Variants in CLNK observed in about 807,000 individuals in gnomAD.
CLNK encodes cytokine dependent hematopoietic cell linker.
CLNK carries 74 observed loss-of-function variants against 68.6 expected under a neutral mutation model. The ratio of observed to expected loss-of-function variants is 1.08; its 90% confidence interval spans 0.89 to 1.31. CLNK has a LOEUF of 1.31. Among genes scored for constraint, CLNK ranks in the 50% most tolerant of loss-of-function variants. The probability of loss-of-function intolerance (pLI) is 0.00; values close to 1 mark genes in which losing one functional copy is unlikely to be tolerated. For synonymous variants in CLNK, 198 were observed against 172.2 expected, an observed-to-expected ratio of 1.15 and a Z score of -1.17; for missense variants, 553 against 515.3, an observed-to-expected ratio of 1.07 and a Z score of -0.71.
chr4:10,681,847 T>C (rs933672151), intron 1 of CLNK, among the ~76,000 whole-genome samples: 3 of 152,134 alleles, frequency 2.0e-5, no homozygotes, highest in African/African-American at 4.8e-5. Context: ...TTGCATGAAA[T>C]GGACAATGCA....
At chr4:10,675,071 G>A (rs1440999891) in intron 1 of CLNK, among the ~76,000 whole-genome samples, 1 of 152,158 alleles carries the variant, frequency 6.6e-6, no homozygotes, top group Non-Finnish European at 1.5e-5. Context: ...TTGGATGGAT[G>A]CAGCAAACCA....
chr4:10,642,662 A>G (rs1393007293), intron 2 of CLNK, among the ~76,000 whole-genome samples: 1 of 152,160 alleles, frequency 6.6e-6, no homozygotes, highest in African/African-American at 2.4e-5. Flanking sequence ...CTATATGCCA[A>G]AAAAGGGGGA....
intron 2 of CLNK, among the ~76,000 whole-genome samples, chr4:10,616,649 T>C (rs1722236657): frequency 6.6e-6 from 1 of 152,102 alleles, no homozygotes; most frequent in African/African-American, 2.4e-5. Context: ...AATGAAATCA[T>C]TCTATGAGAA....
intron 18 of CLNK, among the ~76,000 whole-genome samples, chr4:10,500,967 A>T (rs936357808): frequency 6.6e-6 from 1 of 152,202 alleles, no homozygotes; most frequent in Non-Finnish European, 1.5e-5. Flanking sequence ...GCATTAGTGT[A>T]TGCTCCGCTG....
intron 2 of CLNK, among the ~76,000 whole-genome samples, chr4:10,620,646 C>T (rs1483861870): frequency 6.6e-6 from 1 of 152,148 alleles, no homozygotes; most frequent in Non-Finnish European, 1.5e-5. Flanking sequence ...CCCAGTTCTG[C>T]CTTCTTTAGC....
intron 2 of CLNK, among the ~76,000 whole-genome samples, chr4:10,651,780 T>G (rs1723747955): frequency 6.6e-6 from 1 of 152,060 alleles, no homozygotes; most frequent in Admixed American, 6.6e-5. Context: ...AGAATTCAAG[T>G]GTTGAAAGTT....
At chr4:10,687,305 G>A (rs1359591590), upstream of CLNK, among the ~76,000 whole-genome samples, 1 of 152,034 alleles carries the variant, frequency 6.6e-6, no homozygotes, top group East Asian at 1.9e-4. Flanking sequence ...TGTATTCAGA[G>A]ACAGGAACAA....
intron 2 of CLNK, among the ~76,000 whole-genome samples, chr4:10,643,989 T>C (rs1723415953): frequency 6.6e-6 from 1 of 152,214 alleles, no homozygotes. Context: ...AATCAAAGTG[T>C]TCTGCATAAT....
At chr4:10,500,803 G>T (rs1387120113) in intron 18 of CLNK, among the ~76,000 whole-genome samples, 1 of 152,178 alleles carries the variant, frequency 6.6e-6, no homozygotes, top group East Asian at 1.9e-4. Context: ...TCCATCAGCA[G>T]ATCTGTACTG....
rs538438250 is a variant in CLNK, at chr4:10,635,434, G to A, written c.11+32425C>T. On this transcript the variant is annotated intron_variant, in intron 2 of 18. Transcript: ENST00000226951. ...TGGCCAGAATTTAGCTGTACAGTAC[G>A]TGCTCTGGCCAAGAGAGAGGAGGCC... is the stretch of plus-strand genomic sequence containing the variant. Among the ~76,000 whole-genome samples the A allele has an allele frequency of 5.3e-5, 8 of 152,132 alleles. No individual in the cohort carries two copies. In the South Asian group the frequency reaches 1.0e-3, roughly 20 times the overall value.
chr4:10,551,766 G>A (rs1330265110), intron 8 of CLNK, among the ~76,000 whole-genome samples: 1 of 151,998 alleles, frequency 6.6e-6, no homozygotes, highest in African/African-American at 2.4e-5. Flanking sequence ...AAATATTATT[G>A]GTTGAATTAT....
chr4:10,605,056 C>A (rs964852557), intron 2 of CLNK, among the ~76,000 whole-genome samples: 3 of 152,210 alleles, frequency 2.0e-5, no homozygotes, highest in Admixed American at 2.0e-4. Context: ...TGCCTCAAGA[C>A]TGCACCATAA....
At chr4:10,513,159 C>A (rs1215636058) in intron 16 of CLNK, among the ~76,000 whole-genome samples, 1 of 152,004 alleles carries the variant, frequency 6.6e-6, no homozygotes, top group African/African-American at 2.4e-5. Context: ...GATTATTGGA[C>A]AGCTGGTAAA....
At chr4:10,577,980 C>G (rs1720633703) in intron 4 of CLNK, among the ~76,000 whole-genome samples, 2 of 152,134 alleles carry the variant, frequency 1.3e-5, no homozygotes, top group Admixed American at 1.3e-4. Context: ...CTGGCCCTGT[C>G]ACTCTTGAGC....
rs561361623 is a variant in CLNK at position 10,498,483 on chromosome 4, C to A, written c.1140+2773G>T. On this transcript the variant is annotated intron_variant, in intron 18 of 18. Coordinates refer to ENST00000226951, the MANE Select transcript of CLNK (RefSeq NM_052964.4). ...CTCCAGCCTGGGTGACAGAGCAAGA[C>A]TCCGTCTCAAAATAAAATAAAATAA... Among the ~76,000 whole-genome samples the A allele has an allele frequency of 3.9e-5, 6 of 152,206 alleles. No homozygotes were observed. In the South Asian group the frequency reaches 1.2e-3, roughly 32 times the overall value.
intron 4 of CLNK, 120 bp from the exon 5 acceptor site, chr4:10,571,898 T>C (rs1720369113): frequency 1.3e-6 from 1 of 742,104 alleles, no homozygotes; most frequent in South Asian, 1.7e-5. Context: ...CTTACCTTGA[T>C]TGTGATTTTT....
Position 10,490,535 on chromosome 4 carries a change from CAGTTTT to C in CLNK, c.1213_1218del (p.Lys405_Thr406del), listed in dbSNP as rs764521761. On this transcript the variant is annotated inframe_deletion, in exon 19 of 19. Coordinates refer to ENST00000226951, the MANE Select transcript of CLNK (RefSeq NM_052964.4). Reference sequence around the variant, plus strand: ...AGGTGACACTGTTTCCTGTGGACCCCAGTTTTATCTTTCCCATCAATTAGTATAATG... The same window carrying C: ...AGGTGACACTGTTTCCTGTGGACCCCATCTTTCCCATCAATTAGTATAATG... 6.2e-7 allele frequency: 1 copy of C among 1,609,470 alleles called. No homozygotes were observed. Among genetic ancestry groups the C allele is most frequent in the Non-Finnish European group, 8.5e-7 (1 of 1,177,850 alleles).
intron 2 of CLNK, among the ~76,000 whole-genome samples, chr4:10,605,654 C>G (rs1721760255): frequency 6.6e-6 from 1 of 151,546 alleles, no homozygotes; most frequent in African/African-American, 2.4e-5. Flanking sequence ...ATGGTAAAAC[C>G]CCGTCTCTAC....
chr4:10,537,702 C>CTTTCTTTCTTT lies in CLNK; in HGVS notation c.602+2791_602+2792insAAAGAAAGAAA, dbSNP rs1288379203. On this transcript the variant is annotated intron_variant, in intron 11 of 18. Coordinates refer to ENST00000226951, the MANE Select transcript of CLNK (RefSeq NM_052964.4). ...TTCTTCCTTCCTTCCTTCCTTCCTTCCTTCCTTTCTTTCTTTCTTTCTTTC... is the reference window on the plus strand; with the variant it reads ...TTCTTCCTTCCTTCCTTCCTTCCTTCTTTCTTTCTTTCTTCCTTTCTTTCTTTCTTTCTTTC... Among the ~76,000 whole-genome samples, 90 of 23,070 alleles carry CTTTCTTTCTTT rather than the reference C, an allele frequency of 3.9e-3. 5 individuals carry two copies. The highest frequency in any genetic ancestry group is 0.014 in the South Asian group (8 of 570). The allele number at this position is 23,070 out of a possible 152,430, so 15.1% of individuals were successfully genotyped here.
Sources: allele counts gnomAD v4.1 joint callset (sites outside exome capture counted in the v4.1 genomes callset), GRCh38; gene constraint gnomAD v4.1.1; transcripts MANE v1.5; gene names NCBI Gene and HGNC (gene_info 2026-07-23, HGNC 2026-07-21).